PAK3: variants seen among roughly 807,000 people sequenced by gnomAD.
The protein encoded by PAK3 is serine/threonine-protein kinase PAK 3.
Under a neutral mutation model 41.0 loss-of-function variants are expected in PAK3, and 4 were observed. The observed-to-expected ratio is 0.10, with a 90% CI of 0.05 to 0.22. The LOEUF (loss-of-function observed/expected upper bound fraction) is 0.22, where lower values mean the gene tolerates loss of function less well. Ranked by LOEUF, PAK3 falls within the 10% of genes least tolerant of loss-of-function variation. The probability of loss-of-function intolerance (pLI) is 1.00; values close to 1 mark genes in which losing one functional copy is unlikely to be tolerated. For missense variants in PAK3, 205 were observed against 409.9 expected (o/e 0.50, Z 4.32); for synonymous variants, 146 against 139.6 (o/e 1.05, Z -0.32).
chrX:111,085,045 C>A (rs903434105), intron 1 of PAK3, among the ~76,000 whole-genome samples: 15 of 111,816 alleles, frequency 1.3e-4, no homozygotes, highest in African/African-American at 4.6e-4. Flanking sequence ...TGTATTTTAA[C>A]TTTTTTAGTA....
At chrX:111,118,962 C>T (rs1332572759) in intron 4 of PAK3, among the ~76,000 whole-genome samples, 1 of 111,155 alleles carries the variant, frequency 9.0e-6, no homozygotes, top group Non-Finnish European at 1.9e-5. Flanking sequence ...TACCAAGATG[C>T]ATGGCAACTA....
chrX:111,174,905 C>T (rs1314887195), intron 11 of PAK3, among the ~76,000 whole-genome samples: 2 of 111,012 alleles, frequency 1.8e-5, no homozygotes, highest in African/African-American at 6.5e-5. Flanking sequence ...AAGTATAGAG[C>T]AGGGCCAGCT....
At chrX:111,047,794 G>T (rs1203154113) in intron 1 of PAK3, among the ~76,000 whole-genome samples, 1 of 111,686 alleles carries the variant, frequency 9.0e-6, no homozygotes. Flanking sequence ...CTGACAGCAG[G>T]AAGTGCCATC....
At chrX:111,212,385 T>C (rs973377736) in intron 16 of PAK3, among the ~76,000 whole-genome samples, 7 of 111,592 alleles carry the variant, frequency 6.3e-5, no homozygotes, top group African/African-American at 9.8e-5. Context: ...GGGTAGTGGG[T>C]AGCAATTTTC....
At chrX:111,215,596 T>C (rs2094871028) in intron 16 of PAK3, among the ~76,000 whole-genome samples, 1 of 111,976 alleles carries the variant, frequency 8.9e-6, no homozygotes, top group African/African-American at 3.2e-5. Context: ...AGTCCTGAGT[T>C]CAACTCTGAC....
At position 111,220,547 on chromosome X, in the gene PAK3, G is replaced by T; in HGVS notation, c.*100G>T. 1 of 565,318 alleles carries T rather than the reference G, an allele frequency of 1.8e-6. No individual in the cohort carries two copies. 46.6% of individuals were successfully genotyped at this position (565,318 alleles called of 1,213,427 possible). A position where few individuals can be genotyped will look rare whatever the true frequency, so the allele number is the denominator to read the frequency against. On this transcript the variant is annotated 3_prime_UTR_variant, in exon 18 of 18. Transcript: ENST00000372007. ...AGAAAAGACAGTCAAATGGGGTGGG[G>T]GTTCTTTACCTTTCAAATGAATAGA...
In PAK3 at chrX:111,142,046, G is replaced by A. The variant is rs1158799402; in HGVS notation, c.176-50G>A. On this transcript the variant is annotated intron_variant, in intron 5 of 17. Coordinates refer to ENST00000372007, the MANE Select transcript of PAK3 (RefSeq NM_002578.5). The stretch of plus-strand genomic sequence containing the variant: ...GATGAACCTAATTGTACAACTTGTG[G>A]ATGCCAAAACTATACCCCAAATAAA... 3 of 712,598 alleles carry A rather than the reference G, an allele frequency of 4.2e-6. No individual in the cohort carries two copies. In the South Asian group the frequency reaches 6.3e-5, roughly 15 times the overall value. 58.7% of individuals were successfully genotyped at this position (712,598 alleles called of 1,213,427 possible).
chrX:111,213,935 A>G (rs1311493325), intron 16 of PAK3, among the ~76,000 whole-genome samples: 1 of 111,960 alleles, frequency 8.9e-6, no homozygotes, highest in Non-Finnish European at 1.9e-5. Flanking sequence ...CCTTTTAGTC[A>G]AAACTGGATT....
intron 1 of PAK3, among the ~76,000 whole-genome samples, chrX:111,040,794 A>G (rs770576351): frequency 1.8e-5 from 2 of 112,191 alleles, no homozygotes; most frequent in Non-Finnish European, 3.8e-5. Context: ...TCTTTAGCCC[A>G]TTATTACAAG....
chrX:111,115,618 G>T (rs1426712361), intron 4 of PAK3, among the ~76,000 whole-genome samples: 1 of 111,626 alleles, frequency 9.0e-6, no homozygotes, highest in African/African-American at 3.3e-5. Flanking sequence ...TAATAATAAT[G>T]AAATTAAAAA....
chrX:111,172,967 T>G, intron 10 of PAK3, 51 bp from the exon 11 acceptor site: 1 of 664,209 alleles, frequency 1.5e-6, no homozygotes, highest in Admixed American at 2.3e-5. Context: ...TCTCTCTCTC[T>G]CTCTCTCTTC....
At chrX:111,026,013 A>G (rs1272569312) in intron 1 of PAK3, among the ~76,000 whole-genome samples, 3 of 111,865 alleles carry the variant, frequency 2.7e-5, no homozygotes, top group Non-Finnish European at 5.7e-5. Flanking sequence ...ATTTAACTCA[A>G]TAAATGTGAT....
intron 7 of PAK3, among the ~76,000 whole-genome samples, chrX:111,148,239 C>T (rs1181255584): frequency 8.9e-6 from 1 of 111,818 alleles, no homozygotes; most frequent in Non-Finnish European, 1.9e-5. Flanking sequence ...ACCATGCTCT[C>T]TGGAAATTTA....
At chrX:111,194,228 T>C (rs2094589546) in intron 13 of PAK3, 73 bp from the exon 14 acceptor site, 2 of 637,385 alleles carry the variant, frequency 3.1e-6, no homozygotes, top group East Asian at 6.4e-5. Context: ...CTATCAGAAC[T>C]GAGGCCTGGG....
rs751373712 is a variant in PAK3 at position 111,100,735 on chromosome X, A to C, written c.-175-2424A>C. On this transcript the variant is annotated intron_variant, in intron 3 of 17. Coordinates refer to ENST00000372007, the MANE Select transcript of PAK3 (RefSeq NM_002578.5). Reference sequence around the variant, plus strand: ...TTGTCCATAGCTTCCACCTACCCCCACCGCCAAGGTGGCAGCCCTAGTCCC... The same window carrying C: ...TTGTCCATAGCTTCCACCTACCCCCCCCGCCAAGGTGGCAGCCCTAGTCCC... Among the ~76,000 whole-genome samples, 134 of 111,250 alleles carry C rather than the reference A, an allele frequency of 1.2e-3. 1 individual carries two copies. The highest frequency in any genetic ancestry group is 4.3e-3 in the African/African-American group (130 of 30,571).
intron 11 of PAK3, among the ~76,000 whole-genome samples, chrX:111,184,631 A>G (rs2094492516): frequency 9.5e-6 from 1 of 105,094 alleles, no homozygotes; most frequent in Admixed American, 1.1e-4. Context: ...ACTCCCACTT[A>G]TGAGTGAGAA....
At chrX:111,047,999 A>G (rs1338263638) in intron 1 of PAK3, among the ~76,000 whole-genome samples, 1 of 111,627 alleles carries the variant, frequency 9.0e-6, no homozygotes, top group Non-Finnish European at 1.9e-5. Context: ...AAAAAAGTCT[A>G]TACTCCTTGT....
At chrX:110,969,323 A>G (rs1013173471) in intron 1 of PAK3, among the ~76,000 whole-genome samples, 3 of 104,114 alleles carry the variant, frequency 2.9e-5, no homozygotes, top group Non-Finnish European at 5.9e-5. Context: ...TCACTCTGTC[A>G]TCCAGGCTGG....
At chrX:110,954,515 G>C (rs1053541993) in intron 1 of PAK3, among the ~76,000 whole-genome samples, 1 of 111,914 alleles carries the variant, frequency 8.9e-6, no homozygotes, top group Non-Finnish European at 1.9e-5. Context: ...GTTAAACAGA[G>C]TGTTCTACTA....
Sources: gnomAD v4.1 joint callset for allele counts (sites outside exome capture counted in the v4.1 genomes callset) on GRCh38, gnomAD v4.1.1 for gene constraint, MANE v1.5 for transcripts, NCBI Gene and HGNC (gene_info 2026-07-23, HGNC 2026-07-21) for gene names.